TAFA1: variants seen among roughly 807,000 people sequenced by gnomAD.
The protein encoded by TAFA1 is TAFA chemokine like family member 1.
In TAFA1, 4 loss-of-function variants were observed where a neutral mutation model predicts 18.5. The observed-to-expected ratio is 0.22, with a 90% CI of 0.11 to 0.49. The LOEUF is 0.49. TAFA1 is among the 20% of genes least tolerant of loss of function. The probability of loss-of-function intolerance (pLI) is 0.98; values close to 1 mark genes in which losing one functional copy is unlikely to be tolerated. For missense variants in TAFA1, 147 were observed against 169.0 expected (o/e 0.87, Z 0.72); for synonymous variants, 56 against 55.2 (o/e 1.01, Z -0.06).
chr3:68,295,785 T>C (rs1357346777), intron 2 of TAFA1, among the ~76,000 whole-genome samples: 1 of 152,102 alleles, frequency 6.6e-6, no homozygotes, highest in Non-Finnish European at 1.5e-5. Flanking sequence ...TTTCTTTCTA[T>C]TTTTTGTAGA....
rs115034865 is a variant in TAFA1 at position 68,529,363 on chromosome 3, C to A, written c.260-9393C>A. ...TTCTTCTTCCATCTTACACACTACA[C>A]CAATGCATCTTCCCCTACCTACCCT... On this transcript the variant is annotated intron_variant, in intron 3 of 4. Coordinates refer to ENST00000478136, the MANE Select transcript of TAFA1 (RefSeq NM_213609.4). Among the ~76,000 whole-genome samples the A allele has an allele frequency of 8.3e-3, 1,225 of 147,242 alleles. 15 individuals are homozygous for A. The highest frequency in any genetic ancestry group is 0.028 in the African/African-American group (1,139 of 39,994).
At chr3:68,011,852 T>C (rs17140948) in intron 2 of TAFA1, among the ~76,000 whole-genome samples, 7,102 of 152,296 alleles carry the variant, frequency 0.047, 282 homozygotes, top group East Asian at 0.13. Context: ...GATCAGACCC[T>C]ATAATATCAA....
intron 3 of TAFA1, among the ~76,000 whole-genome samples, chr3:68,523,240 ACG>A (rs918448660): frequency 7.2e-5 from 11 of 152,206 alleles, no homozygotes; most frequent in Non-Finnish European, 1.5e-4. Flanking sequence ...TTTTATAAAC[ACG>A]CAGCCCCAGT....
At position 68,370,472 on chromosome 3, in the gene TAFA1, GTATATATATATATATATATATATATATA is replaced by G. The variant is rs749877780; in HGVS notation, c.119-46791_119-46764del. Among the ~76,000 whole-genome samples the G allele has an allele frequency of 1.4e-3, 47 of 33,034 alleles. 3 individuals are homozygous for G. The highest frequency in any genetic ancestry group is 4.6e-3 in the African/African-American group (35 of 7,560). 21.7% of individuals were successfully genotyped at this position (33,034 alleles called of 152,430 possible). Reference sequence around the variant, plus strand: ...TATATATATGTGTGTGTGTGTGTGTGTATATATATATATATATATATATATATATATATATATATATATACCCACATAT... The same window carrying G: ...TATATATATGTGTGTGTGTGTGTGTGTATATATATATATATACCCACATAT... On this transcript the variant is annotated intron_variant, in intron 2 of 4. Transcript: ENST00000478136.
At chr3:68,094,440 T>A (rs1237884636) in intron 2 of TAFA1, among the ~76,000 whole-genome samples, 1 of 152,194 alleles carries the variant, frequency 6.6e-6, no homozygotes, top group Non-Finnish European at 1.5e-5. Context: ...CAGTAGGGAC[T>A]TGTAACTATC....
chr3:68,049,653 C>T (rs912955524), intron 2 of TAFA1, among the ~76,000 whole-genome samples: 4 of 151,746 alleles, frequency 2.6e-5, no homozygotes, highest in East Asian at 3.9e-4. Context: ...GGAGCACAAG[C>T]AAAGGAGGTG....
intron 2 of TAFA1, among the ~76,000 whole-genome samples, chr3:68,333,152 G>T (rs770259116): frequency 4.6e-5 from 7 of 152,080 alleles, no homozygotes; most frequent in Non-Finnish European, 1.0e-4. Flanking sequence ...CTATTCTTGG[G>T]TATATACTTA....
chr3:68,477,581 A>G (rs1003005117), intron 3 of TAFA1, among the ~76,000 whole-genome samples: 8 of 151,864 alleles, frequency 5.3e-5, no homozygotes, highest in Admixed American at 1.3e-4. Flanking sequence ...GGGTTTCACT[A>G]TGTTGGTCAG....
chr3:68,188,119 A>G (rs2066292271), intron 2 of TAFA1, among the ~76,000 whole-genome samples: 1 of 151,792 alleles, frequency 6.6e-6, no homozygotes, highest in African/African-American at 2.4e-5. Context: ...ATTCTTGAGG[A>G]TGTTTATTTC....
At chr3:68,301,393 T>C (rs534587523) in intron 2 of TAFA1, among the ~76,000 whole-genome samples, 28 of 152,174 alleles carry the variant, frequency 1.8e-4, no homozygotes, top group Non-Finnish European at 3.7e-4. Context: ...TAGTATCCTG[T>C]TATATAAACC....
rs114292009 is a variant in TAFA1, at chr3:68,387,039, T to C, written c.119-30241T>C. Among the ~76,000 whole-genome samples the C allele has an allele frequency of 8.1e-3, 1,233 of 152,092 alleles. 14 individuals carry two copies. The highest frequency in any genetic ancestry group is 0.028 in the African/African-American group (1,162 of 41,490). On this transcript the variant is annotated intron_variant, in intron 2 of 4. Transcript: ENST00000478136. ...TTTATAAAGTTCAAAATTAAATCCA[T>C]ACACTCTGTGCCTAATTTTATTTTT...
intron 2 of TAFA1, among the ~76,000 whole-genome samples, chr3:68,251,451 T>C (rs1489112798): frequency 1.3e-5 from 2 of 152,224 alleles, no homozygotes; most frequent in Non-Finnish European, 2.9e-5. Flanking sequence ...ATTCATTGCA[T>C]GCCCACTCTA....
intron 2 of TAFA1, among the ~76,000 whole-genome samples, chr3:68,237,538 A>G (rs114480325): frequency 6.6e-6 from 1 of 152,180 alleles, no homozygotes. Flanking sequence ...CAAGGCATGT[A>G]TGTATGAATT....
intron 2 of TAFA1, among the ~76,000 whole-genome samples, chr3:68,094,908 T>C (rs1239930342): frequency 6.6e-6 from 1 of 152,150 alleles, no homozygotes; most frequent in African/African-American, 2.4e-5. Flanking sequence ...TAACTGGAAG[T>C]TGCTTTAGCT....
chr3:68,062,930 G>A (rs1230548418), intron 2 of TAFA1, among the ~76,000 whole-genome samples: 1 of 152,192 alleles, frequency 6.6e-6, no homozygotes, highest in Non-Finnish European at 1.5e-5. Flanking sequence ...ACAGTCTTCA[G>A]TGGCAGTCTT....
chr3:68,373,477 G>C (rs574551630), intron 2 of TAFA1, among the ~76,000 whole-genome samples: 69 of 152,234 alleles, frequency 4.5e-4, no homozygotes, highest in African/African-American at 1.6e-3. Flanking sequence ...TATCAACTCA[G>C]GGAGAGGGAC....
intron 2 of TAFA1, among the ~76,000 whole-genome samples, chr3:68,327,657 C>A (rs1394021176): frequency 1.3e-5 from 2 of 152,176 alleles, no homozygotes; most frequent in East Asian, 3.8e-4. Context: ...CAGTGCTGGG[C>A]ACAAAGTGAG....
chr3:68,030,381 A>G (rs1457625523), intron 2 of TAFA1, among the ~76,000 whole-genome samples: 1 of 151,978 alleles, frequency 6.6e-6, no homozygotes, highest in East Asian at 1.9e-4. Context: ...CGTCATCTAC[A>G]TTAGGTATTT....
intron 3 of TAFA1, among the ~76,000 whole-genome samples, chr3:68,469,052 C>A (rs2071942577): frequency 6.6e-6 from 1 of 151,992 alleles, no homozygotes; most frequent in African/African-American, 2.4e-5. Context: ...CCTTTCCAAG[C>A]AATTGTTAGG....
Sources: gnomAD v4.1 joint callset for allele counts (sites outside exome capture counted in the v4.1 genomes callset) on GRCh38, gnomAD v4.1.1 for gene constraint, MANE v1.5 for transcripts, NCBI Gene and HGNC (gene_info 2026-07-23, HGNC 2026-07-21) for gene names.